The following LHFPL3 variants were observed in gnomAD, a reference collection of about 807,000 sequenced individuals.
LHFPL3 encodes LHFPL tetraspan subfamily member 3 protein.
A neutral mutation model predicts 19.3 loss-of-function variants in LHFPL3; 5 were observed. The observed-to-expected ratio is 0.26, with a 90% CI of 0.14 to 0.54. LHFPL3 has a LOEUF of 0.54. LHFPL3 is among the 20% of genes least tolerant of loss of function. The probability of loss-of-function intolerance (pLI) is 0.94; values close to 1 mark genes in which losing one functional copy is unlikely to be tolerated. For missense variants in LHFPL3, 249 were observed against 307.4 expected (o/e 0.81, Z 1.42); for synonymous variants, 133 against 126.2 (o/e 1.05, Z -0.36).
At chr7:104,852,239 CAG>C (rs1791427081) in intron 2 of LHFPL3, among the ~76,000 whole-genome samples, 1 of 151,976 alleles carries the variant, frequency 6.6e-6, no homozygotes, top group African/African-American at 2.4e-5. Flanking sequence ...CTCTCAGACA[CAG>C]AGAGAGAAGG....
chr7:104,508,740 G>C (rs1305169665), intron 1 of LHFPL3, among the ~76,000 whole-genome samples: 2 of 150,786 alleles, frequency 1.3e-5, no homozygotes, highest in Non-Finnish European at 2.9e-5. Flanking sequence ...TAAACCCAAA[G>C]CAAGCAGAAG....
chr7:104,901,578 C>T (rs79304541), intron 2 of LHFPL3, among the ~76,000 whole-genome samples: 1 of 93,892 alleles, frequency 1.1e-5, no homozygotes, highest in African/African-American at 4.7e-5. Context: ...TGTTTGTTTG[C>T]TTGTTTTTTG....
intron 1 of LHFPL3, among the ~76,000 whole-genome samples, chr7:104,382,758 T>C (rs1021152068): frequency 6.6e-6 from 1 of 152,210 alleles, no homozygotes; most frequent in Non-Finnish European, 1.5e-5. Context: ...GATCTTATTA[T>C]GCTAAGATGG....
intron 1 of LHFPL3, among the ~76,000 whole-genome samples, chr7:104,511,697 A>G (rs138571765): frequency 1.3e-5 from 2 of 152,268 alleles, no homozygotes; most frequent in African/African-American, 4.8e-5. Flanking sequence ...ATAAAAGACT[A>G]TGCATTGGTT....
Position 104,882,688 on chromosome 7 carries a change from A to G in LHFPL3, c.683-23499A>G, listed in dbSNP as rs550559651. ...AGGTATGGGGTTTTCATGGTGATGAAAATATTCTAAAATTAGATAGTGGTG... is the reference window on the plus strand; with the variant it reads ...AGGTATGGGGTTTTCATGGTGATGAGAATATTCTAAAATTAGATAGTGGTG... On this transcript the variant is annotated intron_variant, in intron 2 of 2. Transcript: ENST00000424859. Among the ~76,000 whole-genome samples the G allele has an allele frequency of 5.9e-5, 9 of 152,318 alleles. No homozygotes were observed. The South Asian group carries it at 1.7e-3, about 28-fold the overall frequency.
chr7:104,573,106 A>G (rs191897886), intron 1 of LHFPL3, among the ~76,000 whole-genome samples: 88 of 152,292 alleles, frequency 5.8e-4, no homozygotes, highest in African/African-American at 1.9e-3. Flanking sequence ...GGGAGGGAAA[A>G]TGGGTTGATT....
At chr7:104,860,178 CCACACACACACACACACACACA>C (rs10534227) in intron 2 of LHFPL3, among the ~76,000 whole-genome samples, 16 of 128,874 alleles carry the variant, frequency 1.2e-4, no homozygotes, top group Non-Finnish European at 1.4e-4. Context: ...ATACACCCAC[CCACACACACACACACACACACA>C]CACACACGCA....
chr7:104,589,440 C>G (rs1459632880), intron 1 of LHFPL3, among the ~76,000 whole-genome samples: 1 of 152,140 alleles, frequency 6.6e-6, no homozygotes. Flanking sequence ...ATTGAACCAG[C>G]CTTGCATCCC....
intron 1 of LHFPL3, among the ~76,000 whole-genome samples, chr7:104,645,569 T>A (rs1791916249): frequency 6.6e-6 from 1 of 151,238 alleles, no homozygotes; most frequent in African/African-American, 2.4e-5. Context: ...CATGTATAAA[T>A]GCAGCAAAAT....
At chr7:104,396,921 G>C (rs537579925) in intron 1 of LHFPL3, among the ~76,000 whole-genome samples, 1 of 152,208 alleles carries the variant, frequency 6.6e-6, no homozygotes, top group Non-Finnish European at 1.5e-5. Flanking sequence ...AGTGAGCCGA[G>C]ATCGCAACAT....
Position 104,669,171 on chromosome 7 carries a change from T to G in LHFPL3, c.446-67504T>G, listed in dbSNP as rs929100519. The G allele has an allele frequency of 9.9e-6, 16 of 1,613,610 alleles. No individual in the cohort carries two copies. In the African/African-American group the frequency reaches 2.1e-4, roughly 22 times the overall value. ...AGCCCCTAAAGGTAATGCCAGCCCC[T>G]CCACCAAAGGAGAATGCTTGGGTGA... On this transcript the variant is annotated intron_variant, in intron 1 of 2. Coordinates refer to ENST00000424859, the MANE Select transcript of LHFPL3 (RefSeq NM_199000.3).
chr7:104,428,059 G>A (rs1057450351), intron 1 of LHFPL3, among the ~76,000 whole-genome samples: 19 of 152,288 alleles, frequency 1.2e-4, no homozygotes, highest in African/African-American at 4.6e-4. Flanking sequence ...CATCAGGGGG[G>A]TAATGGTAAC....
chr7:104,883,753 T>C (rs1021830437), intron 2 of LHFPL3, among the ~76,000 whole-genome samples: 1 of 152,208 alleles, frequency 6.6e-6, no homozygotes, highest in African/African-American at 2.4e-5. Context: ...GGAAGTGTGA[T>C]ATTTTAAGAA....
chr7:104,717,956 C>A (rs544225936), intron 1 of LHFPL3, among the ~76,000 whole-genome samples: 3 of 152,064 alleles, frequency 2.0e-5, no homozygotes, highest in Non-Finnish European at 4.4e-5. Flanking sequence ...TATATACATA[C>A]AATGAAATAT....
chr7:104,721,838 G>A (rs1357850825), intron 1 of LHFPL3, among the ~76,000 whole-genome samples: 1 of 152,160 alleles, frequency 6.6e-6, no homozygotes, highest in Non-Finnish European at 1.5e-5. Context: ...ATGAGATGAT[G>A]CCTGTAAAGT....
rs143590924 is a variant in LHFPL3, at chr7:104,692,378, C to T, written c.446-44297C>T. ...AAGACAATGGGGAAATTGTCTCCAGCGCATGTCAGAGATCTTCACTGTAGC... is the reference window on the plus strand; with the variant it reads ...AAGACAATGGGGAAATTGTCTCCAGTGCATGTCAGAGATCTTCACTGTAGC... On this transcript the variant is annotated intron_variant, in intron 1 of 2. Transcript: ENST00000424859. Among the ~76,000 whole-genome samples, 401 of 152,242 alleles carry T rather than the reference C, an allele frequency of 2.6e-3. 3 individuals carry two copies. Among genetic ancestry groups the T allele is most frequent in the South Asian group, 8.9e-3 (43 of 4,810 alleles).
At chr7:104,526,775 T>G (rs1478140907) in intron 1 of LHFPL3, among the ~76,000 whole-genome samples, 1 of 152,194 alleles carries the variant, frequency 6.6e-6, no homozygotes, top group Non-Finnish European at 1.5e-5. Flanking sequence ...CACATGAAAT[T>G]CTTATCAACA....
chr7:104,571,693 A>T (rs1359978717), intron 1 of LHFPL3, among the ~76,000 whole-genome samples: 1 of 152,222 alleles, frequency 6.6e-6, no homozygotes, highest in Non-Finnish European at 1.5e-5. Context: ...CAGAAGAAGC[A>T]TCACACATAT....
At chr7:104,360,128 C>G (rs1790362149) in intron 1 of LHFPL3, among the ~76,000 whole-genome samples, 1 of 152,210 alleles carries the variant, frequency 6.6e-6, no homozygotes, top group Non-Finnish European at 1.5e-5. Context: ...CCAGGAAGTG[C>G]CATAGCACAC....
Sources: allele counts gnomAD v4.1 joint callset (sites outside exome capture counted in the v4.1 genomes callset), GRCh38; gene constraint gnomAD v4.1.1; transcripts MANE v1.5; gene names NCBI Gene and HGNC (gene_info 2026-07-23, HGNC 2026-07-21).